DLGAP1: variants seen among roughly 807,000 people sequenced by gnomAD.
DLGAP1 encodes DLG associated protein 1.
Under a neutral mutation model 90.8 loss-of-function variants are expected in DLGAP1, and 11 were observed. The observed-to-expected ratio is 0.12, with a 90% CI of 0.08 to 0.20. The LOEUF (loss-of-function observed/expected upper bound fraction) is 0.20, where lower values mean the gene tolerates loss of function less well. Ranked by LOEUF, DLGAP1 falls within the 10% of genes least tolerant of loss-of-function variation. The pLI, the probability that DLGAP1 is intolerant of heterozygous loss-of-function variation, is 1.00. For missense variants in DLGAP1, 1,050 were observed against 1,333.8 expected (o/e 0.79, Z 3.31); for synonymous variants, 558 against 540.7 (o/e 1.03, Z -0.44).
chr18:4,204,146 G>A (rs1052200482), intron 1 of DLGAP1, among the ~76,000 whole-genome samples: 6 of 152,148 alleles, frequency 3.9e-5, no homozygotes, highest in South Asian at 4.1e-4. Context: ...CGGCTTAATC[G>A]CCATAATTCT....
intron 7 of DLGAP1, among the ~76,000 whole-genome samples, chr18:3,643,402 G>A (rs775722018): frequency 6.3e-4 from 96 of 152,178 alleles, no homozygotes; most frequent in Non-Finnish European, 1.1e-3. Flanking sequence ...AGTGGCTCAC[G>A]CCTATAATCC....
At chr18:4,187,004 C>A (rs2144701634) in intron 1 of DLGAP1, among the ~76,000 whole-genome samples, 1 of 152,110 alleles carries the variant, frequency 6.6e-6, no homozygotes, top group East Asian at 1.9e-4. Flanking sequence ...TATTGTCTTT[C>A]TTTGGTGGCA....
chr18:4,418,469 T>C (rs1257213107), intron 1 of DLGAP1, among the ~76,000 whole-genome samples: 1 of 152,070 alleles, frequency 6.6e-6, no homozygotes, highest in Non-Finnish European at 1.5e-5. Flanking sequence ...AAGAAGGATA[T>C]GATAAAAGAT....
chr18:4,093,889 G>A (rs1487390314), intron 2 of DLGAP1, among the ~76,000 whole-genome samples: 2 of 151,910 alleles, frequency 1.3e-5, no homozygotes, highest in South Asian at 2.1e-4. Flanking sequence ...TCTCCCTCAC[G>A]CTTTTGACAT....
Position 3,831,457 on chromosome 18 carries a change from T to C in DLGAP1, c.958-17184A>G, listed in dbSNP as rs781181658. On this transcript the variant is annotated intron_variant, in intron 4 of 12. Transcript: ENST00000315677. ...CCAAGAGGGTTTGGGAGATGCTTTATACTGTATTGTTCTCTTAAAGAGTTT... is the reference window on the plus strand; with the variant it reads ...CCAAGAGGGTTTGGGAGATGCTTTACACTGTATTGTTCTCTTAAAGAGTTT... 4.6e-5 allele frequency among the ~76,000 whole-genome samples: 7 copies of C among 152,342 alleles called. No individual in the cohort carries two copies. In the South Asian group the frequency reaches 6.2e-4, roughly 14 times the overall value.
intron 7 of DLGAP1, among the ~76,000 whole-genome samples, chr18:3,717,196 T>C (rs1363837124): frequency 1.3e-5 from 2 of 152,186 alleles, no homozygotes; most frequent in East Asian, 3.9e-4. Flanking sequence ...GCAAATCCTC[T>C]ATAGATTTTC....
At chr18:4,207,736 A>G (rs547090559) in intron 1 of DLGAP1, among the ~76,000 whole-genome samples, 1 of 152,264 alleles carries the variant, frequency 6.6e-6, no homozygotes, top group African/African-American at 2.4e-5. Flanking sequence ...GCTAACCACC[A>G]AAGAGCCAAA....
At chr18:3,610,210 C>A (rs1057327922) in intron 7 of DLGAP1, among the ~76,000 whole-genome samples, 1 of 152,134 alleles carries the variant, frequency 6.6e-6, no homozygotes, top group Non-Finnish European at 1.5e-5. Context: ...GATGGCTGTT[C>A]AGAGGGCCCA....
chr18:4,155,713 G>T (rs993153942), intron 1 of DLGAP1, among the ~76,000 whole-genome samples: 1 of 152,114 alleles, frequency 6.6e-6, no homozygotes, highest in African/African-American at 2.4e-5. Context: ...ATTAAACATG[G>T]TGGGCTGGTG....
intron 7 of DLGAP1, among the ~76,000 whole-genome samples, chr18:3,685,501 T>G (rs968016883): frequency 7.1e-6 from 1 of 140,062 alleles, no homozygotes; most frequent in African/African-American, 2.8e-5. Flanking sequence ...GAGGCAGAAC[T>G]TGCAGTGAGC....
At chr18:4,163,818 C>T (rs1221765795) in intron 1 of DLGAP1, among the ~76,000 whole-genome samples, 3 of 152,164 alleles carry the variant, frequency 2.0e-5, no homozygotes, top group Admixed American at 1.3e-4. Flanking sequence ...CTTTTCTGCA[C>T]CTCTCTTTTC....
intron 9 of DLGAP1, among the ~76,000 whole-genome samples, chr18:3,562,279 T>G (rs1194312189): frequency 6.6e-6 from 1 of 151,930 alleles, no homozygotes; most frequent in Non-Finnish European, 1.5e-5. Flanking sequence ...GTTACCCAAG[T>G]GGCTGTGGTG....
intron 1 of DLGAP1, among the ~76,000 whole-genome samples, chr18:4,401,700 G>A (rs1206605731): frequency 6.6e-6 from 1 of 152,076 alleles, no homozygotes; most frequent in East Asian, 1.9e-4. Flanking sequence ...AATGTAATTT[G>A]ACCCAGATAA....
intron 3 of DLGAP1, among the ~76,000 whole-genome samples, chr18:3,945,630 T>C (rs2072861065): frequency 6.6e-6 from 1 of 152,228 alleles, no homozygotes; most frequent in African/African-American, 2.4e-5. Flanking sequence ...CAGCATCTTC[T>C]TATGGGATTT....
At chr18:4,223,064 C>G (rs776422988) in intron 1 of DLGAP1, among the ~76,000 whole-genome samples, 14 of 152,036 alleles carry the variant, frequency 9.2e-5, no homozygotes, top group Non-Finnish European at 1.9e-4. Context: ...GACCATCGTA[C>G]TAGCAACATA....
At chr18:3,884,535 A>C (rs1250932983) in intron 3 of DLGAP1, among the ~76,000 whole-genome samples, 2 of 152,230 alleles carry the variant, frequency 1.3e-5, no homozygotes, top group Admixed American at 1.3e-4. Context: ...TCAGGTATTC[A>C]GTATTTAATT....
chr18:4,022,101 T>C (rs984450032), intron 2 of DLGAP1, among the ~76,000 whole-genome samples: 1 of 152,094 alleles, frequency 6.6e-6, no homozygotes, highest in African/African-American at 2.4e-5. Flanking sequence ...TCAAACAGAG[T>C]TGGTGTTTTT....
intron 2 of DLGAP1, among the ~76,000 whole-genome samples, chr18:4,149,848 C>A (rs2076644996): frequency 6.6e-6 from 1 of 151,972 alleles, no homozygotes; most frequent in Non-Finnish European, 1.5e-5. Flanking sequence ...GGTCCCTGGA[C>A]CACTGCCTTA....
chr18:4,312,279 C>T (rs2080420237), intron 1 of DLGAP1, among the ~76,000 whole-genome samples: 1 of 152,200 alleles, frequency 6.6e-6, no homozygotes, highest in African/African-American at 2.4e-5. Flanking sequence ...CAGTGTCTCA[C>T]AACCAAGAAG....
Sources: allele counts gnomAD v4.1 joint callset (sites outside exome capture counted in the v4.1 genomes callset), GRCh38; gene constraint gnomAD v4.1.1; transcripts MANE v1.5; gene names NCBI Gene and HGNC (gene_info 2026-07-23, HGNC 2026-07-21).